SKAP1: variants seen among roughly 807,000 people sequenced by gnomAD.
SKAP1 encodes the protein src kinase associated phosphoprotein 1, also known as src kinase-associated phosphoprotein 1.
A neutral mutation model predicts 58.5 loss-of-function variants in SKAP1; 44 were observed. The ratio of observed to expected loss-of-function variants is 0.75; its 90% confidence interval spans 0.59 to 0.97. The LOEUF is 0.97. Among genes scored for constraint, SKAP1 ranks in the 50% least tolerant of loss-of-function variants. The pLI is 0.00. For missense variants in SKAP1, 390 were observed against 435.2 expected (o/e 0.90, Z 0.92); for synonymous variants, 127 against 149.7 (o/e 0.85, Z 1.11).
At chr17:48,363,727 G>A (rs2066965369) in intron 3 of SKAP1, 62 bp downstream of exon 3, 1 of 1,398,708 alleles carries the variant, frequency 7.1e-7, no homozygotes, top group East Asian at 2.3e-5. Flanking sequence ...GAAGAGACAG[G>A]AATAAACAAT....
chr17:48,233,870 G>T (rs2065152081), intron 4 of SKAP1, among the ~76,000 whole-genome samples: 1 of 151,946 alleles, frequency 6.6e-6, no homozygotes, highest in Admixed American at 6.6e-5. Context: ...AAAAAAAAAT[G>T]TTTACTTAGA....
At chr17:48,439,931 A>G in the SKAP1 span, among the ~76,000 whole-genome samples, 9 of 152,142 alleles carry the variant, frequency 5.9e-5, no homozygotes, top group African/African-American at 2.2e-4. Flanking sequence ...CTGACTCCCT[A>G]CAAACCTGGC....
At chr17:48,266,050 G>C (rs1346917526) in intron 4 of SKAP1, among the ~76,000 whole-genome samples, 2 of 151,822 alleles carry the variant, frequency 1.3e-5, no homozygotes, top group African/African-American at 4.8e-5. Context: ...TCAGCACTTG[G>C]TTTGGCTGAC....
rs1207908558 is a variant in SKAP1, at chr17:48,244,087, TG to T, written c.281-54588del. Among the ~76,000 whole-genome samples, 3 of 152,332 alleles carry T rather than the reference TG, an allele frequency of 2.0e-5. No individual in the cohort carries two copies. The East Asian group carries it at 5.8e-4, about 29-fold the overall frequency. ...GCTACACTAATTCTACTTATAATAA[TG>T]TTAGAAAATGGTTAGCCTTAATGCC... On this transcript the variant is annotated intron_variant, in intron 4 of 12. Transcript: ENST00000336915.
intron 3 of SKAP1, among the ~76,000 whole-genome samples, chr17:48,350,558 T>C (rs2144346690): frequency 6.6e-6 from 1 of 152,200 alleles, no homozygotes; most frequent in South Asian, 2.1e-4. Context: ...TAGCCAGGAA[T>C]GGTGGTGCAT....
chr17:48,338,610 C>T (rs1254130611), intron 4 of SKAP1, among the ~76,000 whole-genome samples: 2 of 152,034 alleles, frequency 1.3e-5, no homozygotes, highest in Non-Finnish European at 2.9e-5. Flanking sequence ...GTGAAAGAAG[C>T]ATTATGGAAG....
chr17:48,417,643 G>T lies in SKAP1; in HGVS notation c.46+12432C>A, dbSNP rs549469439. 1.9e-3 allele frequency among the ~76,000 whole-genome samples: 287 copies of T among 152,166 alleles called. 1 individual carries two copies. The highest frequency in any genetic ancestry group is 6.8e-3 in the African/African-American group (281 of 41,504). On this transcript the variant is annotated intron_variant, in intron 1 of 12. Coordinates refer to ENST00000336915, the MANE Select transcript of SKAP1 (RefSeq NM_003726.4). ...GCCTGTAATCCCAGCTACTCAGGAG[G>T]TGGAGGTGTGAGAATCACTTGAACC...
At chr17:48,193,868 G>C in intron 4 of SKAP1, 3 of 364,210 alleles carry the variant, frequency 8.2e-6, no homozygotes, top group Non-Finnish European at 1.1e-5. Context: ...ATAGGAAGAA[G>C]TTGCAAACAA....
chr17:48,275,748 T>TTGC (rs894814514), intron 4 of SKAP1, among the ~76,000 whole-genome samples: 29 of 152,246 alleles, frequency 1.9e-4, no homozygotes, highest in African/African-American at 5.1e-4. Context: ...ATTGTTGTTG[T>TTGC]TGCTGCTGCT....
chr17:48,264,745 AACAC>A (rs55733017), intron 4 of SKAP1, among the ~76,000 whole-genome samples: 1,689 of 142,768 alleles, frequency 0.012, 11 homozygotes, highest in African/African-American at 0.021. Flanking sequence ...AAATCTACAA[AACAC>A]ACACACACAC....
chr17:48,223,063 C>CAAAAAAAAAAA (rs71141973), intron 4 of SKAP1, among the ~76,000 whole-genome samples: 1 of 70,096 alleles, frequency 1.4e-5, no homozygotes, highest in Admixed American at 2.0e-4. Context: ...GACTCCGTCT[C>CAAAAAAAAAAA]AAAAAAAAAA....
At chr17:48,253,128 C>T (rs2065385388) in intron 4 of SKAP1, among the ~76,000 whole-genome samples, 1 of 152,104 alleles carries the variant, frequency 6.6e-6, no homozygotes, top group African/African-American at 2.4e-5. Context: ...GCCATCCTAG[C>T]TCTTACTAAA....
chr17:48,379,343 TAAC>T (rs751287742), intron 2 of SKAP1, among the ~76,000 whole-genome samples: 17 of 152,128 alleles, frequency 1.1e-4, no homozygotes, highest in African/African-American at 1.7e-4. Flanking sequence ...AATTGAAAAA[TAAC>T]AACAGAATCC....
At chr17:48,168,243 T>C (rs1312696999) in intron 10 of SKAP1, among the ~76,000 whole-genome samples, 1 of 152,034 alleles carries the variant, frequency 6.6e-6, no homozygotes, top group Non-Finnish European at 1.5e-5. Context: ...TCCATCGAGG[T>C]TGGAGAAAAG....
intron 4 of SKAP1, among the ~76,000 whole-genome samples, chr17:48,273,619 C>T (rs1039858022): frequency 6.6e-6 from 1 of 151,952 alleles, no homozygotes; most frequent in Non-Finnish European, 1.5e-5. Context: ...GGTCTCACCA[C>T]GTTGACCAGG....
At chr17:48,168,383 G>A (rs1298220942) in intron 10 of SKAP1, among the ~76,000 whole-genome samples, 3 of 152,334 alleles carry the variant, frequency 2.0e-5, no homozygotes, top group African/African-American at 7.2e-5. Flanking sequence ...AAGGCTGGGC[G>A]TGGTGGCTCA....
At chr17:48,274,963 T>C (rs1450855341) in intron 4 of SKAP1, among the ~76,000 whole-genome samples, 1 of 152,182 alleles carries the variant, frequency 6.6e-6, no homozygotes, top group Non-Finnish European at 1.5e-5. Context: ...ACCTCCTTCC[T>C]TCTCCTAGAT....
chr17:48,301,617 C>T (rs1249266283), intron 4 of SKAP1, among the ~76,000 whole-genome samples: 2 of 152,158 alleles, frequency 1.3e-5, no homozygotes, highest in Non-Finnish European at 2.9e-5. Flanking sequence ...GCTGGGATTA[C>T]AGGCACCCAC....
At chr17:48,226,211 ATTGT>A (rs1186951922) in intron 4 of SKAP1, among the ~76,000 whole-genome samples, 1 of 152,292 alleles carries the variant, frequency 6.6e-6, no homozygotes, top group East Asian at 1.9e-4. Flanking sequence ...CTCTCTTCAG[ATTGT>A]TTGAGTAAGT....
Sources: gnomAD v4.1 joint callset for allele counts (sites outside exome capture counted in the v4.1 genomes callset) on GRCh38, gnomAD v4.1.1 for gene constraint, MANE v1.5 for transcripts, NCBI Gene and HGNC (gene_info 2026-07-23, HGNC 2026-07-21) for gene names.